ANO1: variants seen among roughly 807,000 people sequenced by gnomAD.
The protein encoded by ANO1 is anoctamin 1.
A neutral mutation model predicts 124.0 loss-of-function variants in ANO1; 59 were observed. The observed-to-expected ratio is 0.48, with a 90% CI of 0.39 to 0.59. The LOEUF (loss-of-function observed/expected upper bound fraction) is 0.59. Ranked by LOEUF, ANO1 falls within the 20% of genes least tolerant of loss-of-function variation. The pLI, the probability that ANO1 is intolerant of heterozygous loss-of-function variation, is 0.00. For missense variants in ANO1, 1,059 were observed against 1,328.0 expected, an observed-to-expected ratio of 0.80 and a Z score of 3.15; for synonymous variants, 529 against 532.0, an observed-to-expected ratio of 0.99 and a Z score of 0.08.
chr11:70,085,341 C>A, intron 1 of ANO1: 1 of 1,417,262 alleles, frequency 7.1e-7, no homozygotes, highest in South Asian at 1.5e-5. Context: ...TCCCAAGCCA[C>A]CCACCCACAT....
At chr11:70,010,023 T>C (rs1856561504) in intron 1 of ANO1, among the ~76,000 whole-genome samples, 1 of 151,740 alleles carries the variant, frequency 6.6e-6, no homozygotes, top group Non-Finnish European at 1.5e-5. Context: ...ACATACAATG[T>C]TTGGTTTTCC....
At chr11:70,025,854 GTGA>G (rs1214362012) in intron 1 of ANO1, among the ~76,000 whole-genome samples, 3 of 143,540 alleles carry the variant, frequency 2.1e-5, no homozygotes, top group African/African-American at 5.1e-5. Context: ...GATGGTGGTG[GTGA>G]TGGTGATGAT....
At chr11:70,129,169 C>G (rs962661659) in intron 10 of ANO1, 1 of 152,252 alleles carries the variant, frequency 6.6e-6, no homozygotes, top group Admixed American at 6.5e-5. Context: ...GAGATAAACC[C>G]CGAAAGGCCG....
intron 20 of ANO1, among the ~76,000 whole-genome samples, chr11:70,166,635 G>A (rs1301041506): frequency 2.0e-5 from 3 of 152,112 alleles, no homozygotes; most frequent in African/African-American, 7.2e-5. Flanking sequence ...AGTCCACTTG[G>A]GCATGACCAG....
intron 11 of ANO1, among the ~76,000 whole-genome samples, chr11:70,140,061 G>A (rs1270969379): frequency 1.3e-5 from 2 of 152,156 alleles, no homozygotes; most frequent in African/African-American, 2.4e-5. Flanking sequence ...GCTCTACACC[G>A]GCTCTCTCTG....
Position 70,188,499 on chromosome 11 carries a change from A to G in ANO1, c.*495A>G. The stretch of plus-strand genomic sequence containing the variant: ...ATTCCGGTTCCAAAAGGTGTCACCT[A>G]CCTGTTTCAGAAAAGTTAGACTTTC... On this transcript the variant is annotated 3_prime_UTR_variant, in exon 26 of 26. Transcript: ENST00000355303. 6.4e-6 allele frequency: 1 copy of G among 155,764 alleles called. No individual in the cohort carries two copies. The highest frequency in any genetic ancestry group is 6.3e-5 in the Admixed American group (1 of 15,854). The allele number at this position is 155,764 out of a possible 1,614,324, so 9.6% of individuals were successfully genotyped here.
intron 1 of ANO1, among the ~76,000 whole-genome samples, chr11:70,007,075 A>C (rs1856506223): frequency 6.6e-6 from 1 of 152,086 alleles, no homozygotes; most frequent in African/African-American, 2.4e-5. Context: ...CTCTGTACCC[A>C]TTGAACAGCA....
intron 7 of ANO1, among the ~76,000 whole-genome samples, chr11:70,112,749 G>A (rs2045836545): frequency 6.6e-6 from 1 of 151,888 alleles, no homozygotes; most frequent in African/African-American, 2.4e-5. Context: ...AGTAGAGATG[G>A]GGTTTCACCA....
intron 1 of ANO1, among the ~76,000 whole-genome samples, chr11:70,047,636 T>C (rs1488635409): frequency 6.6e-6 from 1 of 152,204 alleles, no homozygotes; most frequent in Non-Finnish European, 1.5e-5. Context: ...TTCTGTACAA[T>C]GGTTTGAATC....
chr11:70,090,517 T>C (rs879805531), intron 2 of ANO1, among the ~76,000 whole-genome samples: 9 of 152,222 alleles, frequency 5.9e-5, no homozygotes, highest in Admixed American at 3.3e-4. Flanking sequence ...TGAGTTATCA[T>C]AAGTAACCTT....
At chr11:69,982,090 T>C (rs1407593688), upstream of ANO1, among the ~76,000 whole-genome samples, 2 of 152,140 alleles carry the variant, frequency 1.3e-5, no homozygotes, top group East Asian at 1.9e-4. Flanking sequence ...AATGGGAATA[T>C]TCTGGATAGA....
chr11:70,068,330 G>T (rs1364998697), intron 1 of ANO1, among the ~76,000 whole-genome samples: 1 of 152,216 alleles, frequency 6.6e-6, no homozygotes, highest in African/African-American at 2.4e-5. Context: ...CACTAGGCGG[G>T]TGCTAGAATC....
intron 1 of ANO1, among the ~76,000 whole-genome samples, chr11:70,026,251 A>AATGATGATG (rs150618791): frequency 1.4e-5 from 2 of 141,412 alleles, no homozygotes; most frequent in South Asian, 4.6e-4. Context: ...TGGTGATGAC[A>AATGATGATG]ATGATGATGA....
At chr11:70,075,460 C>T (rs919171992), upstream of ANO1, 3 of 137,020 alleles carry the variant, frequency 2.2e-5, no homozygotes, top group Non-Finnish European at 4.6e-5. Flanking sequence ...ATGAAGCATT[C>T]CATATTTAAA....
chr11:70,110,521 C>T (rs753746860), intron 6 of ANO1, among the ~76,000 whole-genome samples: 1 of 152,146 alleles, frequency 6.6e-6, no homozygotes, highest in Non-Finnish European at 1.5e-5. Context: ...AAACTTTTCA[C>T]TCACACATGT....
At chr11:70,068,098 C>T (rs1382532698) in intron 1 of ANO1, among the ~76,000 whole-genome samples, 1 of 152,184 alleles carries the variant, frequency 6.6e-6, no homozygotes, top group Non-Finnish European at 1.5e-5. Flanking sequence ...TTGGAGAAGG[C>T]GGGGCTCTCA....
chr11:70,162,236 GGGGAGTGAGGACCC>G (rs1172516320), intron 18 of ANO1, among the ~76,000 whole-genome samples: 3 of 149,384 alleles, frequency 2.0e-5, no homozygotes, highest in Non-Finnish European at 4.5e-5. Context: ...AGTGAGGACC[GGGGAGTGAGGACCC>G]GGGAGTGAGG....
chr11:70,105,401 T>A (rs990195480), intron 4 of ANO1, among the ~76,000 whole-genome samples: 7 of 151,968 alleles, frequency 4.6e-5, no homozygotes, highest in Non-Finnish European at 7.4e-5. Context: ...AACAGAGACT[T>A]TCAAAACTGC....
rs117449297 is a variant in ANO1, at chr11:70,038,224, A to G, written c.59-40318A>G. 5.8e-3 allele frequency among the ~76,000 whole-genome samples: 883 copies of G among 152,310 alleles called. 4 individuals carry two copies. Among genetic ancestry groups the G allele is most frequent in the Non-Finnish European group, 9.3e-3 (633 of 68,024 alleles). The stretch of plus-strand genomic sequence containing the variant: ...TTAAGCAAGACCCAGACCATAGTGC[A>G]TGCCATTCCTTATTTGGAAACCCTC... On this transcript the variant is annotated intron_variant, in intron 1 of 27. Transcript: ENST00000531349.
Sources: allele counts gnomAD v4.1 joint callset (sites outside exome capture counted in the v4.1 genomes callset), GRCh38; gene constraint gnomAD v4.1.1; transcripts MANE v1.5; gene names NCBI Gene and HGNC (gene_info 2026-07-23, HGNC 2026-07-21).